METTL17: variants seen among roughly 807,000 people sequenced by gnomAD.
METTL17 encodes the protein methyltransferase like 17, also known as ribosome assembly protein METTL17, mitochondrial.
METTL17 carries 49 observed loss-of-function variants against 59.4 expected under a neutral mutation model. The ratio of observed to expected loss-of-function variants is 0.82; its 90% CI spans 0.66 to 1.05. The LOEUF (loss-of-function observed/expected upper bound fraction) is 1.05, where lower values mean the gene tolerates loss of function less well. Ranked by LOEUF, METTL17 falls within the 50% of genes least tolerant of loss-of-function variation. METTL17 has a pLI of 0.00. For synonymous variants in METTL17, 208 were observed against 209.2 expected, an observed-to-expected ratio of 0.99 and a Z score of 0.05; for missense variants, 555 against 578.4, an observed-to-expected ratio of 0.96 and a Z score of 0.41.
At position 20,996,276 on chromosome 14, in the gene METTL17, C is replaced by T. The variant is rs781577207; in HGVS notation, c.1064C>T (p.Pro355Leu). 1.2e-6 allele frequency: 2 copies of T among 1,614,126 alleles called. No individual in the cohort carries two copies. Among genetic ancestry groups the T allele is most frequent in the East Asian group, 4.5e-5 (2 of 44,886 alleles). Residue 355 changes from proline to leucine, a missense_variant, in exon 12 of 14, where the codon CCC becomes CTC. Transcript: ENST00000339374. ...TGTAGCTTCTCACAGGCGTACCATCCCATCCCCTTCAGCTGGGTAGGTACC... is the reference window on the plus strand; with the variant it reads ...TGTAGCTTCTCACAGGCGTACCATCTCATCCCCTTCAGCTGGGTAGGTACC... ...LACSFSQAYH[P>L]IPFSWNKKPK...
Position 20,989,980 on chromosome 14 carries a change from G to C in METTL17, c.-23G>C, listed in dbSNP as rs770533134. 6.4e-7 allele frequency: 1 copy of C among 1,567,742 alleles called. No homozygotes were observed. The highest frequency in any genetic ancestry group is 1.4e-5 in the African/African-American group (1 of 73,704). ...GAGGGTCACAGGCACCTGTATTTCC[G>C]TTTCCGGTTCGCCTCCGGAGCCATG... On this transcript the variant is annotated 5_prime_UTR_variant, in exon 1 of 14. Transcript: ENST00000339374.
rs1411402239 is a variant in METTL17, at chr14:20,990,373, A to T, written c.219A>T (p.Leu73Phe). Residue 73 changes from leucine (L) to phenylalanine (F), a missense_variant, in exon 2 of 14, where the codon TTA becomes TTT. Leu to Phe is a conservative substitution (Grantham distance 22, BLOSUM62 0). Coordinates refer to ENST00000339374, the MANE Select transcript of METTL17 (RefSeq NM_022734.3). ...AGGCACTGGCTAACGGTGCCCAGTT[A>T]TTGCTACTTGGTGAGTAACGGCGGG... is the stretch of plus-strand genomic sequence containing the variant. ...LPQALANGAQ[L>F]LLLGSAGPTM... is the part of the protein sequence containing the mutation. 1 of 1,613,908 alleles carries T rather than the reference A, an allele frequency of 6.2e-7. No individual in the cohort carries two copies. Among genetic ancestry groups the T allele is most frequent in the Non-Finnish European group, 8.5e-7 (1 of 1,179,922 alleles).
chr14:20,993,333 G>T (rs1388788138), intron 6 of METTL17, 142 bp downstream of exon 6: 3 of 701,916 alleles, frequency 4.3e-6, no homozygotes, highest in Non-Finnish European at 5.0e-6. Flanking sequence ...ATCAGATTAG[G>T]CAAGGCAGAA....
chr14:20,990,770 G>C (rs975881480), intron 3 of METTL17, 172 bp downstream of exon 3: 2 of 790,466 alleles, frequency 2.5e-6, no homozygotes, highest in African/African-American at 3.5e-5. Context: ...TTATTTTAGA[G>C]ATTGCTTAGG....
chr14:20,994,841 C>T lies in METTL17; in HGVS notation c.816C>T (p.Pro272=). 6.2e-7 allele frequency: 1 copy of T among 1,614,140 alleles called. No homozygotes were observed. Among genetic ancestry groups the T allele is most frequent in the Non-Finnish European group, 8.5e-7 (1 of 1,180,008 alleles). Residue 272 remains proline, a synonymous_variant, in exon 9 of 14, where the codon CCC becomes CCT. Coordinates refer to ENST00000339374, the MANE Select transcript of METTL17 (RefSeq NM_022734.3). The part of the protein sequence containing the change: ...VVSAFSLSEL[P]SKADRTEVVQ... Reference sequence around the variant, plus strand: ...CAGCTTTTTCCTTAAGTGAACTGCCCAGCAAGGCTGACCGCACTGAGGTAG... The same window carrying T: ...CAGCTTTTTCCTTAAGTGAACTGCCTAGCAAGGCTGACCGCACTGAGGTAG...
intron 6 of METTL17, chr14:20,993,476 C>CAT: frequency 2.7e-6 from 1 of 367,508 alleles, no homozygotes; most frequent in Non-Finnish European, 4.8e-6. Flanking sequence ...TTGAGTCTAC[C>CAT]TTTTTTTTTT....
chr14:20,992,066 T>C (rs746291104), intron 3 of METTL17, 58 bp from the exon 4 acceptor site: 7 of 1,481,608 alleles, frequency 4.7e-6, no homozygotes, highest in Non-Finnish European at 6.6e-6. Flanking sequence ...TATTCAGATA[T>C]TGGATCTGAG....
intron 3 of METTL17, 117 bp from the exon 4 acceptor site, chr14:20,992,007 G>A (rs1329870472): frequency 1.1e-6 from 1 of 904,806 alleles, no homozygotes; most frequent in East Asian, 2.5e-5. Context: ...TCTCCCTTGA[G>A]CTTTAAGGCT....
At chr14:20,994,299 T>TA (rs752233084) in intron 7 of METTL17, among the ~76,000 whole-genome samples, 197 of 150,198 alleles carry the variant, frequency 1.3e-3, no homozygotes, top group Middle Eastern at 3.4e-3. Flanking sequence ...TTTTTTTTTT[T>TA]AATTAGAGGT....
At chr14:20,994,180 T>C in intron 7 of METTL17, 117 bp downstream of exon 7, 1 of 751,898 alleles carries the variant, frequency 1.3e-6, no homozygotes, top group Non-Finnish European at 2.2e-6. Flanking sequence ...CTGGTTTACT[T>C]TTAAAGTTAT....
intron 7 of METTL17, 89 bp from the exon 8 acceptor site, chr14:20,994,454 T>C (rs1880239445): frequency 1.3e-5 from 15 of 1,123,504 alleles, no homozygotes; most frequent in Non-Finnish European, 2.0e-5. Flanking sequence ...ACTTTACCTA[T>C]TCTTGGGGCC....
chr14:20,992,843 C>A, intron 5 of METTL17: 1 of 602,572 alleles, frequency 1.7e-6, no homozygotes, highest in Non-Finnish European at 2.9e-6. Flanking sequence ...GAGCTGTGAT[C>A]TCCACTGTAC....
At chr14:20,995,657 A>C (rs1313666718) in intron 10 of METTL17, among the ~76,000 whole-genome samples, 1 of 152,060 alleles carries the variant, frequency 6.6e-6, no homozygotes, top group African/African-American at 2.4e-5. Flanking sequence ...GATTTTTTTG[A>C]GAGTGGAGGT....
In METTL17 at chr14:20,992,781, T is replaced by C. The variant is rs116794368; in HGVS notation, c.528+159T>C. ...GTGGGCTCCTGCCTGCAGTCCCAAC[T>C]GTTTGGGAGGCTGAGGCAGGAGGAT... On this transcript the variant is annotated intron_variant, in intron 5 of 13. Coordinates refer to ENST00000339374, the MANE Select transcript of METTL17 (RefSeq NM_022734.3). 5.1e-3 allele frequency: 3,256 copies of C among 635,454 alleles called. 81 individuals carry two copies. In the African/African-American group the frequency reaches 0.054, roughly 11 times the overall value. 39.4% of individuals were successfully genotyped at this position (635,454 alleles called of 1,614,324 possible).
Position 20,996,539 on chromosome 14 carries a change from A to C in METTL17, c.1093A>C (p.Lys365Gln). 1 of 1,610,000 alleles carries C rather than the reference A, an allele frequency of 6.2e-7. No homozygotes were observed. The highest frequency in any genetic ancestry group is 1.1e-5 in the South Asian group (1 of 90,974). Residue 365 changes from lysine to glutamine, a missense_variant, in exon 13 of 14, where the codon AAG becomes CAG. Transcript: ENST00000339374. ...PIPFSWNKKP[K>Q]EEKFSMVILA... is the part of the protein sequence containing the mutation. The stretch of plus-strand genomic sequence containing the variant: ...TTCCTTATCTTAGAACAAGAAACCA[A>C]AGGAAGAAAAGTTCTCTATGGTGAT...
chr14:20,990,884 T>C (rs894211177), intron 3 of METTL17, among the ~76,000 whole-genome samples: 5 of 152,166 alleles, frequency 3.3e-5, no homozygotes, highest in Non-Finnish European at 7.3e-5. Context: ...CAGGCTGAAG[T>C]GTAATGCTCG....
In METTL17 at chr14:20,994,734, T is replaced by C. The variant is rs1880257703; in HGVS notation, c.769-60T>C. The C allele has an allele frequency of 3.2e-6, 5 of 1,540,074 alleles. No homozygotes were observed. The South Asian group carries it at 4.5e-5, about 14-fold the overall frequency. On this transcript the variant is annotated intron_variant, in intron 8 of 13. Coordinates refer to ENST00000339374, the MANE Select transcript of METTL17 (RefSeq NM_022734.3). ...AAAAGAAATTTAGCGGCTAGGACTT[T>C]GTTGTATTCTTGGGATGTAGAGATG...
At chr14:20,990,758 G>A in intron 3 of METTL17, 160 bp downstream of exon 3, 1 of 871,116 alleles carries the variant, frequency 1.1e-6, no homozygotes, top group Non-Finnish European at 1.7e-6. Flanking sequence ...AAAGAAGGTA[G>A]ATTATTTTAG....
At chr14:20,992,325 A>G (rs1375381300) in intron 4 of METTL17, 120 bp downstream of exon 4, 3 of 761,242 alleles carry the variant, frequency 3.9e-6, no homozygotes, top group Non-Finnish European at 6.6e-6. Context: ...CCTTAAAAGG[A>G]TCAATTTAGT....
Sources: allele counts gnomAD v4.1 joint callset (sites outside exome capture counted in the v4.1 genomes callset), GRCh38; gene constraint gnomAD v4.1.1; transcripts MANE v1.5; gene names NCBI Gene and HGNC (gene_info 2026-07-23, HGNC 2026-07-21).